The following MAP3K7 variants were observed in gnomAD, a reference collection of about 807,000 sequenced individuals.
MAP3K7 encodes TGF-beta activated kinase 1.
MAP3K7 carries 21 observed loss-of-function variants against 84.8 expected under a neutral mutation model. The observed-to-expected ratio is 0.25, with a 90% confidence interval of 0.18 to 0.36. MAP3K7 has a LOEUF of 0.36. MAP3K7 is among the 10% of genes least tolerant of loss of function. MAP3K7 has a pLI of 1.00. For synonymous variants in MAP3K7, 241 were observed against 247.7 expected (o/e 0.97, Z 0.25); for missense variants, 503 against 747.7 (o/e 0.67, Z 3.82).
Position 90,523,724 on chromosome 6 carries a change from T to G in MAP3K7, c.1416A>C (p.Ser472=). The change falls in exon 14 of 17, where the codon TCA becomes TCC. Residue 472 remains serine, a synonymous_variant. Transcript: ENST00000369329. ...VRMITTSGPT[S]EKPTRSHPWT... is the part of the protein sequence containing the mutation. ...ATGGATGACTTCGAGTTGGCTTTTC[T>G]GAGGTTGGTCCTGAGGTAGTAATCA... The G allele has an allele frequency of 8.1e-6, 13 of 1,613,510 alleles. No homozygotes were observed. Among genetic ancestry groups the G allele is most frequent in the Non-Finnish European group, 1.1e-5 (13 of 1,179,606 alleles).
chr6:90,546,233 C>T (rs980715620), intron 11 of MAP3K7, among the ~76,000 whole-genome samples: 1 of 151,818 alleles, frequency 6.6e-6, no homozygotes, highest in East Asian at 1.9e-4. Flanking sequence ...TATGATGGTC[C>T]ATCTTGACAA....
chr6:90,537,717 T>C (rs554322475), intron 12 of MAP3K7, among the ~76,000 whole-genome samples: 1 of 152,100 alleles, frequency 6.6e-6, no homozygotes, highest in South Asian at 2.1e-4. Context: ...TGTGCATTTA[T>C]TGAATTAGAT....
At chr6:90,545,881 T>C (rs552998970) in intron 11 of MAP3K7, among the ~76,000 whole-genome samples, 1 of 152,262 alleles carries the variant, frequency 6.6e-6, no homozygotes, top group East Asian at 1.9e-4. Flanking sequence ...AAGAGAGGCA[T>C]CTGGGAATGT....
intron 13 of MAP3K7, among the ~76,000 whole-genome samples, chr6:90,529,197 C>A (rs762044796): frequency 2.0e-5 from 3 of 152,210 alleles, no homozygotes; most frequent in Non-Finnish European, 2.9e-5. Flanking sequence ...CCTTGCCCAT[C>A]TGGATTTTCT....
intron 1 of MAP3K7, among the ~76,000 whole-genome samples, chr6:90,580,655 A>T (rs1241439548): frequency 6.6e-6 from 1 of 152,170 alleles, no homozygotes; most frequent in African/African-American, 2.4e-5. Context: ...TTCCCCAAAG[A>T]TGAATTTTCA....
At chr6:90,547,513 G>A (rs1776042501) in intron 10 of MAP3K7, 126 bp from the exon 11 acceptor site, 2 of 1,082,346 alleles carry the variant, frequency 1.8e-6, no homozygotes, top group African/African-American at 1.7e-5. Flanking sequence ...AAAGGAGAGG[G>A]AAGTTTGTAC....
chr6:90,574,945 G>A (rs1329337352), intron 1 of MAP3K7, among the ~76,000 whole-genome samples: 4 of 152,138 alleles, frequency 2.6e-5, no homozygotes, highest in South Asian at 2.1e-4. Flanking sequence ...TTAGGGCCAC[G>A]AGATATTTCA....
At chr6:90,575,803 C>T (rs190963569) in intron 1 of MAP3K7, among the ~76,000 whole-genome samples, 165 of 152,198 alleles carry the variant, frequency 1.1e-3, no homozygotes, top group African/African-American at 3.9e-3. Flanking sequence ...GCAAGTGAGG[C>T]TTGATGTTGA....
chr6:90,553,183 A>G (rs775856894), intron 7 of MAP3K7, among the ~76,000 whole-genome samples: 11 of 152,104 alleles, frequency 7.2e-5, no homozygotes, highest in Admixed American at 1.3e-4. Flanking sequence ...GAGAGAGCCA[A>G]CTGTCTAGGT....
intron 13 of MAP3K7, among the ~76,000 whole-genome samples, chr6:90,530,135 A>G (rs1775460478): frequency 6.6e-6 from 1 of 152,208 alleles, no homozygotes; most frequent in African/African-American, 2.4e-5. Context: ...CCATAGTTAT[A>G]ACTGCTATTA....
intron 1 of MAP3K7, among the ~76,000 whole-genome samples, chr6:90,572,334 C>A (rs1776933075): frequency 6.6e-6 from 1 of 151,810 alleles, no homozygotes. Flanking sequence ...ATTATTTATT[C>A]CATGGAATTT....
At chr6:90,576,419 TCACACACACACACACACACACA>T (rs11468988) in intron 1 of MAP3K7, among the ~76,000 whole-genome samples, 26 of 136,950 alleles carry the variant, frequency 1.9e-4, no homozygotes, top group South Asian at 1.2e-3. Context: ...CTAGACTCTG[TCACACACACACACACACACACA>T]CACACACACA....
intron 3 of MAP3K7, among the ~76,000 whole-genome samples, chr6:90,563,895 G>C (rs992181884): frequency 5.9e-5 from 9 of 152,196 alleles, no homozygotes; most frequent in Admixed American, 3.9e-4. Context: ...TAAGCCAGAA[G>C]AGAGTGGGGG....
intron 14 of MAP3K7, among the ~76,000 whole-genome samples, chr6:90,521,600 T>A (rs1775153381): frequency 1.3e-5 from 2 of 152,084 alleles, no homozygotes; most frequent in Admixed American, 1.3e-4. Context: ...ATAAGTTTAC[T>A]TTTAATGTGT....
Position 90,553,527 on chromosome 6 carries a change from T to C in MAP3K7, c.667A>G (p.Ile223Val). 6.2e-7 allele frequency: 1 copy of C among 1,613,974 alleles called. No homozygotes were observed. The highest frequency in any genetic ancestry group is 8.5e-7 in the Non-Finnish European group (1 of 1,179,944). ...FSWGIILWEV[I>V]TRRKPFDEIG... is the part of the protein sequence containing the mutation. ...TCATCAAAGGGTTTCCGACGCGTTA[T>C]CACTTCCCAAAGAATAATACCCCAG... Residue 223 changes from isoleucine to valine, a missense_variant, in exon 7 of 17, where the codon ATA (isoleucine) becomes GTA (valine). Around this residue, in one of 5 missense-constraint regions of MAP3K7, gnomAD observed 97 missense variants for 270.8 expected, o/e 0.36. Transcript: ENST00000369329.
chr6:90,556,996 G>GT (rs1455065982), intron 5 of MAP3K7, among the ~76,000 whole-genome samples: 1 of 151,962 alleles, frequency 6.6e-6, no homozygotes, highest in African/African-American at 2.4e-5. Context: ...TCATAAATAT[G>GT]TATTACTTAA....
intron 12 of MAP3K7, among the ~76,000 whole-genome samples, chr6:90,540,144 C>T (rs1313404917): frequency 6.6e-6 from 1 of 151,856 alleles, no homozygotes; most frequent in African/African-American, 2.4e-5. Context: ...TCAGTAAGAT[C>T]TGACTCAAAA....
chr6:90,565,303 G>T (rs888613268), intron 3 of MAP3K7, among the ~76,000 whole-genome samples: 1 of 151,898 alleles, frequency 6.6e-6, no homozygotes, highest in African/African-American at 2.4e-5. Flanking sequence ...CAGCAAAACT[G>T]ATAGACCACT....
At chr6:90,547,619 C>T (rs1053619151) in intron 10 of MAP3K7, among the ~76,000 whole-genome samples, 2 of 152,092 alleles carry the variant, frequency 1.3e-5, no homozygotes, top group South Asian at 2.1e-4. Flanking sequence ...CCCAATTATT[C>T]GTTAACCTAA....
Sources: allele counts gnomAD v4.1 joint callset (sites outside exome capture counted in the v4.1 genomes callset), GRCh38; gene constraint gnomAD v4.1.1; regional missense constraint gnomAD v4.1.1; transcripts MANE v1.5; gene names NCBI Gene and HGNC (gene_info 2026-07-23, HGNC 2026-07-21).